The following GHR variants were observed in gnomAD, a reference collection of about 807,000 sequenced individuals.
GHR encodes GH receptor.
A neutral mutation model predicts 67.1 loss-of-function variants in GHR; 35 were observed. The observed-to-expected ratio is 0.52, with a 90% CI of 0.40 to 0.69. The LOEUF (loss-of-function observed/expected upper bound fraction) is 0.69, where lower values mean the gene tolerates loss of function less well. Ranked by LOEUF, GHR falls within the 30% of genes least tolerant of loss-of-function variation. GHR has a pLI of 0.00. For synonymous variants in GHR, 272 were observed against 269.1 expected (o/e 1.01, Z -0.10); for missense variants, 792 against 764.6 (o/e 1.04, Z -0.42).
chr5:42,653,127 T>C (rs1755089312), intron 3 of GHR, among the ~76,000 whole-genome samples: 1 of 152,148 alleles, frequency 6.6e-6, no homozygotes, highest in African/African-American at 2.4e-5. Context: ...CCAATAAACA[T>C]TGGCTCTTGT....
At position 42,485,328 on chromosome 5, in the gene GHR, G is replaced by A. The variant is rs935129200; in HGVS notation, c.-12+61373G>A. On this transcript the variant is annotated intron_variant, in intron 1 of 9. Transcript: ENST00000230882. Reference sequence around the variant, plus strand: ...CATCTTCACTTATGAAGGCTTCCTTGTTTTCCTTTTTTAGAATTAATTGCT... The same window carrying A: ...CATCTTCACTTATGAAGGCTTCCTTATTTTCCTTTTTTAGAATTAATTGCT... 2.3e-4 allele frequency among the ~76,000 whole-genome samples: 35 copies of A among 152,096 alleles called. 1 individual carries two copies. Among genetic ancestry groups the A allele is most frequent in the Admixed American group, 2.2e-3 (33 of 15,278 alleles).
chr5:42,636,182 C>T (rs997350192), intron 3 of GHR, among the ~76,000 whole-genome samples: 1 of 144,262 alleles, frequency 6.9e-6, no homozygotes, highest in Non-Finnish European at 1.5e-5. Context: ...TGGACTCCAG[C>T]CTGGGCGACA....
At chr5:42,713,589 T>A (rs1758578801) in intron 8 of GHR, 70 bp downstream of exon 8, 1 of 790,038 alleles carries the variant, frequency 1.3e-6, no homozygotes, top group African/African-American at 1.7e-5. Context: ...TTTCTATTTG[T>A]TATTTGATAT....
chr5:42,465,084 C>T (rs576878747), intron 1 of GHR, among the ~76,000 whole-genome samples: 24 of 152,152 alleles, frequency 1.6e-4, no homozygotes, highest in Non-Finnish European at 3.4e-4. Context: ...ATTTCTGGTG[C>T]TGTGTGACAA....
chr5:42,511,632 T>G lies in GHR; in HGVS notation c.-11-54232T>G, dbSNP rs537239911. Reference sequence around the variant, plus strand: ...GTTTTTGTTAGCTGTTATCTGGCTGTTTTTTATTAGATAATAATTTGTCTT... The same window carrying G: ...GTTTTTGTTAGCTGTTATCTGGCTGGTTTTTATTAGATAATAATTTGTCTT... On this transcript the variant is annotated intron_variant, in intron 1 of 9. Coordinates refer to ENST00000230882, the MANE Select transcript of GHR (RefSeq NM_000163.5). Among the ~76,000 whole-genome samples, 8 of 152,318 alleles carry G rather than the reference T, an allele frequency of 5.3e-5. No individual in the cohort carries two copies. The South Asian group carries it at 1.7e-3, about 32-fold the overall frequency.
chr5:42,558,824 T>C (rs915138917), intron 1 of GHR, among the ~76,000 whole-genome samples: 4 of 152,222 alleles, frequency 2.6e-5, no homozygotes, highest in Admixed American at 2.0e-4. Flanking sequence ...TGCATGACTG[T>C]AATCACATTT....
chr5:42,576,120 AAAT>A (rs766543295), intron 2 of GHR, among the ~76,000 whole-genome samples: 2,426 of 98,186 alleles, frequency 0.025, 106 homozygotes, highest in East Asian at 0.12. Context: ...AAATAAAATA[AAAT>A]AAAATAAAAT....
intron 1 of GHR, among the ~76,000 whole-genome samples, chr5:42,464,946 G>T (rs1447413910): frequency 1.3e-5 from 2 of 152,116 alleles, no homozygotes. Flanking sequence ...TATTTATTTT[G>T]GGGCAAATCA....
intron 1 of GHR, among the ~76,000 whole-genome samples, chr5:42,506,343 A>C (rs1746777415): frequency 6.6e-6 from 1 of 152,196 alleles, no homozygotes; most frequent in East Asian, 1.9e-4. Context: ...TATTTTTTCT[A>C]TATTTCTGAT....
chr5:42,446,528 C>A (rs1480287207), intron 1 of GHR, among the ~76,000 whole-genome samples: 1 of 152,094 alleles, frequency 6.6e-6, no homozygotes, highest in Admixed American at 6.5e-5. Flanking sequence ...TAGCTGCTAC[C>A]AGAATTTCTT....
chr5:42,586,678 C>T (rs1199265945), intron 2 of GHR, among the ~76,000 whole-genome samples: 3 of 152,182 alleles, frequency 2.0e-5, no homozygotes, highest in Non-Finnish European at 4.4e-5. Flanking sequence ...AGTGAAGCCT[C>T]GGGACTTCAG....
chr5:42,424,599 G>T lies in GHR; in HGVS notation c.-12+644G>T. ...CAGCCACCAGTCCGCATGAACTGGG[G>T]TAAGTGGAAATTGTGGCGAGCCGAC... On this transcript the variant is annotated intron_variant, in intron 1 of 9. Coordinates refer to ENST00000230882, the MANE Select transcript of GHR (RefSeq NM_000163.5). The surrounding 1 kb of genome is among the most constrained non-coding windows in gnomAD (Gnocchi z 4.1). The T allele has an allele frequency of 6.5e-7, 1 of 1,534,708 alleles. No homozygotes were observed. Among genetic ancestry groups the T allele is most frequent in the South Asian group, 1.2e-5 (1 of 84,038 alleles).
At chr5:42,637,685 T>G (rs1221733988) in intron 3 of GHR, among the ~76,000 whole-genome samples, 12 of 152,200 alleles carry the variant, frequency 7.9e-5, no homozygotes, top group Non-Finnish European at 1.8e-4. Flanking sequence ...GTACCACATT[T>G]TCTTTATCCA....
chr5:42,610,574 T>G (rs1364188686), intron 2 of GHR, among the ~76,000 whole-genome samples: 10 of 151,842 alleles, frequency 6.6e-5, no homozygotes, highest in Non-Finnish European at 7.4e-5. Flanking sequence ...GTGCAAGAGA[T>G]TTATCTGGGG....
At chr5:42,519,731 T>A (rs985702911) in intron 1 of GHR, among the ~76,000 whole-genome samples, 1 of 152,216 alleles carries the variant, frequency 6.6e-6, no homozygotes, top group Non-Finnish European at 1.5e-5. Flanking sequence ...AGCCTTCATG[T>A]GTGATGACCT....
At chr5:42,491,274 G>GA (rs1442493356) in intron 1 of GHR, among the ~76,000 whole-genome samples, 1 of 152,188 alleles carries the variant, frequency 6.6e-6, no homozygotes, top group Non-Finnish European at 1.5e-5. Flanking sequence ...GATCTCATTT[G>GA]AATATAAACT....
At chr5:42,429,805 C>T (rs1328196807) in intron 1 of GHR, among the ~76,000 whole-genome samples, 2 of 152,148 alleles carry the variant, frequency 1.3e-5, no homozygotes, top group African/African-American at 2.4e-5. Context: ...ATGTTATAGA[C>T]AGGTAGGGAC....
chr5:42,424,170 T>G lies in GHR; in HGVS notation c.-12+215T>G, dbSNP rs1190976345. Among the ~76,000 whole-genome samples the G allele has an allele frequency of 1.3e-5, 1 of 75,176 alleles. No homozygotes were observed. The highest frequency in any genetic ancestry group is 5.3e-4 in the East Asian group (1 of 1,880). The allele number at this position is 75,176 out of a possible 152,430, so 49.3% of individuals were successfully genotyped here. On this transcript the variant is annotated intron_variant, in intron 1 of 9. Coordinates refer to ENST00000230882, the MANE Select transcript of GHR (RefSeq NM_000163.5). This position sits in a 1 kb window ranked among gnomAD's most constrained non-coding sequence, Gnocchi z 4.1. ...GCTGGTGGGTTGTTGTAACCCAATC[T>G]AGTGTGTGTGTGTGTGTGTGTGTGT...
chr5:42,479,809 A>T (rs909325178), intron 1 of GHR, among the ~76,000 whole-genome samples: 16 of 151,882 alleles, frequency 1.1e-4, no homozygotes, highest in Non-Finnish European at 2.1e-4. Flanking sequence ...GCATTCTATC[A>T]ATTTTGTTGA....
Sources: allele counts gnomAD v4.1 joint callset (sites outside exome capture counted in the v4.1 genomes callset), GRCh38; gene constraint gnomAD v4.1.1; non-coding constraint Gnocchi (gnomAD v3.1); transcripts MANE v1.5; gene names NCBI Gene and HGNC (gene_info 2026-07-23, HGNC 2026-07-21).